Variants in ITGA9 observed in about 807,000 individuals in gnomAD.
ITGA9 encodes the protein integrin subunit alpha 9, also known as integrin alpha-9.
Under a neutral mutation model 127.8 loss-of-function variants are expected in ITGA9, and 56 were observed. The observed-to-expected ratio is 0.44, with a 90% CI of 0.35 to 0.55. The LOEUF (loss-of-function observed/expected upper bound fraction) is 0.55. Ranked by LOEUF, ITGA9 falls within the 20% of genes least tolerant of loss-of-function variation. ITGA9 has a pLI of 0.00. For synonymous variants in ITGA9, 508 were observed against 514.5 expected, an observed-to-expected ratio of 0.99 and a Z score of 0.17; for missense variants, 1,196 against 1,347.1, an observed-to-expected ratio of 0.89 and a Z score of 1.76.
intron 15 of ITGA9, among the ~76,000 whole-genome samples, chr3:37,569,472 A>T (rs56201901): frequency 0.014 from 2,059 of 152,332 alleles, 27 homozygotes; most frequent in Non-Finnish European, 0.019. Flanking sequence ...GTCCTGTGGC[A>T]TGGCCTTTAT....
chr3:37,794,439 A>T (rs1250221378), intron 26 of ITGA9, among the ~76,000 whole-genome samples: 1 of 152,186 alleles, frequency 6.6e-6, no homozygotes, highest in Non-Finnish European at 1.5e-5. Context: ...CTTGGCTCTA[A>T]TGGCCTCAGG....
chr3:37,710,707 A>G (rs1430956075), intron 18 of ITGA9, among the ~76,000 whole-genome samples: 17 of 152,198 alleles, frequency 1.1e-4, no homozygotes, highest in Non-Finnish European at 4.4e-5. Flanking sequence ...AACAGGCAGA[A>G]ACCGGGACTG....
chr3:37,589,899 C>T (rs1309114407), intron 15 of ITGA9, among the ~76,000 whole-genome samples: 1 of 152,146 alleles, frequency 6.6e-6, no homozygotes, highest in East Asian at 1.9e-4. Context: ...TGACCTTCTG[C>T]ATCTCCTCCC....
Position 37,473,471 on chromosome 3 carries a change from C to T in ITGA9, c.420+11C>T. The stretch of plus-strand genomic sequence containing the variant: ...GATGGCCGTGTGTTGGTAAGTCCCT[C>T]CTGGGGGTGCTGTGGGAAGGGGGTG... On this transcript the variant is annotated intron_variant, in intron 3 of 27. Coordinates refer to ENST00000264741, the MANE Select transcript of ITGA9 (RefSeq NM_002207.3). The T allele has an allele frequency of 1.9e-6, 3 of 1,599,878 alleles. No individual in the cohort carries two copies. Among genetic ancestry groups the T allele is most frequent in the Non-Finnish European group, 2.6e-6 (3 of 1,167,378 alleles).
At chr3:37,630,552 TG>T (rs1268417908) in intron 16 of ITGA9, among the ~76,000 whole-genome samples, 1 of 151,986 alleles carries the variant, frequency 6.6e-6, no homozygotes, top group African/African-American at 2.4e-5. Flanking sequence ...TGACTGGCTG[TG>T]GGGGGGAAGG....
intron 23 of ITGA9, among the ~76,000 whole-genome samples, chr3:37,774,080 A>T (rs560945365): frequency 6.6e-6 from 1 of 152,220 alleles, no homozygotes; most frequent in Non-Finnish European, 1.5e-5. Context: ...TCTTGAATCC[A>T]TGTTGGTGCT....
intron 18 of ITGA9, among the ~76,000 whole-genome samples, chr3:37,692,816 T>C (rs1700846091): frequency 6.6e-6 from 1 of 152,206 alleles, no homozygotes; most frequent in Non-Finnish European, 1.5e-5. Context: ...GTCCTGACTC[T>C]TTCAGACTGG....
intron 25 of ITGA9, 42 bp downstream of exon 25, chr3:37,780,063 A>G: frequency 1.2e-6 from 2 of 1,611,116 alleles, no homozygotes; most frequent in Non-Finnish European, 1.7e-6. Flanking sequence ...ATTTAGAAGC[A>G]TTTGAATTGT....
At chr3:37,793,588 G>A (rs1439028012) in intron 26 of ITGA9, among the ~76,000 whole-genome samples, 1 of 152,078 alleles carries the variant, frequency 6.6e-6, no homozygotes, top group Non-Finnish European at 1.5e-5. Flanking sequence ...AGGCATTCAA[G>A]ATGAAGTCAG....
At chr3:37,676,560 G>T (rs1235875383) in intron 17 of ITGA9, among the ~76,000 whole-genome samples, 1 of 152,244 alleles carries the variant, frequency 6.6e-6, no homozygotes, top group African/African-American at 2.4e-5. Flanking sequence ...ATACTGACTA[G>T]ATAGAACTGC....
chr3:37,513,286 A>G (rs1272374263), intron 8 of ITGA9, among the ~76,000 whole-genome samples: 1 of 152,090 alleles, frequency 6.6e-6, no homozygotes, highest in Non-Finnish European at 1.5e-5. Flanking sequence ...GACTCCAGGA[A>G]TGGGGGACTT....
chr3:37,525,364 A>C (rs1184311650), intron 12 of ITGA9, among the ~76,000 whole-genome samples: 1 of 152,208 alleles, frequency 6.6e-6, no homozygotes, highest in African/African-American at 2.4e-5. Flanking sequence ...ATGACTAATA[A>C]ATATTTTCTG....
intron 15 of ITGA9, among the ~76,000 whole-genome samples, chr3:37,549,865 G>A (rs1451445525): frequency 6.6e-6 from 1 of 152,212 alleles, no homozygotes; most frequent in Non-Finnish European, 1.5e-5. Context: ...AGATAATAGT[G>A]TGTTTGGGGA....
chr3:37,459,287 A>G (rs1012482745), intron 1 of ITGA9, among the ~76,000 whole-genome samples: 22 of 152,252 alleles, frequency 1.4e-4, no homozygotes, highest in African/African-American at 5.3e-4. Flanking sequence ...ACAAACTGTT[A>G]TAGGTTGGGT....
chr3:37,764,731 T>C (rs528385017), intron 23 of ITGA9, among the ~76,000 whole-genome samples: 1 of 152,324 alleles, frequency 6.6e-6, no homozygotes, highest in Admixed American at 6.5e-5. Context: ...CCAGTTCATA[T>C]GTCCTCTCTG....
intron 18 of ITGA9, among the ~76,000 whole-genome samples, chr3:37,687,916 C>T (rs1700796776): frequency 1.3e-5 from 2 of 152,184 alleles, no homozygotes; most frequent in African/African-American, 4.8e-5. Flanking sequence ...GGAAGGCGTG[C>T]ATTTATAAGC....
intron 15 of ITGA9, among the ~76,000 whole-genome samples, chr3:37,559,133 C>A (rs1341029266): frequency 1.3e-5 from 2 of 152,198 alleles, no homozygotes; most frequent in Non-Finnish European, 2.9e-5. Context: ...GAGTAGGTTC[C>A]AGCGTTGTTT....
intron 26 of ITGA9, among the ~76,000 whole-genome samples, chr3:37,789,667 G>T (rs1697084038): frequency 6.7e-6 from 1 of 148,898 alleles, no homozygotes; most frequent in Admixed American, 6.7e-5. Flanking sequence ...TACTCGGGAG[G>T]CTGAGACAGG....
chr3:37,690,742 T>A (rs1700823823), intron 18 of ITGA9, among the ~76,000 whole-genome samples: 1 of 152,158 alleles, frequency 6.6e-6, no homozygotes, highest in African/African-American at 2.4e-5. Flanking sequence ...ACACACAGTG[T>A]GAGATGCTCT....
Sources: gnomAD v4.1 joint callset for allele counts (sites outside exome capture counted in the v4.1 genomes callset) on GRCh38, gnomAD v4.1.1 for gene constraint, MANE v1.5 for transcripts, NCBI Gene and HGNC (gene_info 2026-07-23, HGNC 2026-07-21) for gene names.